The following GRIN2A variants were observed in gnomAD, a reference collection of about 807,000 sequenced individuals.
GRIN2A encodes the protein glutamate ionotropic receptor NMDA type subunit 2A.
A neutral mutation model predicts 113.4 loss-of-function variants in GRIN2A; 22 were observed. The ratio of observed to expected loss-of-function variants is 0.19; its 90% CI spans 0.14 to 0.28. GRIN2A has a LOEUF of 0.28. Ranked by LOEUF, GRIN2A falls within the 10% of genes least tolerant of loss-of-function variation. The pLI, the probability that GRIN2A is intolerant of heterozygous loss-of-function variation, is 1.00. For missense variants in GRIN2A, 1,502 were observed against 1,887.0 expected (o/e 0.80, Z 3.78); for synonymous variants, 827 against 738.4 (o/e 1.12, Z -1.94).
intron 3 of GRIN2A, among the ~76,000 whole-genome samples, chr16:9,914,672 C>T (rs994153851): frequency 6.6e-6 from 1 of 152,084 alleles, no homozygotes; most frequent in African/African-American, 2.4e-5. Flanking sequence ...GTAAGGGGCT[C>T]CCAGACCCAA....
At chr16:9,879,430 C>G (rs959542367) in intron 4 of GRIN2A, among the ~76,000 whole-genome samples, 9 of 152,154 alleles carry the variant, frequency 5.9e-5, no homozygotes, top group African/African-American at 2.2e-4. Context: ...TTTAATCTAT[C>G]TAATTCCCCT....
At chr16:9,885,015 G>A (rs2043561082) in intron 4 of GRIN2A, among the ~76,000 whole-genome samples, 1 of 151,986 alleles carries the variant, frequency 6.6e-6, no homozygotes, top group Non-Finnish European at 1.5e-5. Context: ...GGGATTACAG[G>A]TGTGAGCCAC....
intron 4 of GRIN2A, among the ~76,000 whole-genome samples, chr16:9,883,480 C>T (rs1402303218): frequency 6.6e-6 from 1 of 152,164 alleles, no homozygotes; most frequent in Non-Finnish European, 1.5e-5. Flanking sequence ...AAGGGCAGAC[C>T]CACTTTGAGC....
chr16:10,081,118 A>G lies in GRIN2A; in HGVS notation c.414+98880T>C, dbSNP rs80152807. 4.6e-3 allele frequency among the ~76,000 whole-genome samples: 695 copies of G among 152,290 alleles called. 3 individuals carry two copies. The highest frequency in any genetic ancestry group is 0.016 in the African/African-American group (661 of 41,554). ...CAGGTCAAATGTCGTTAATATAAAT[A>G]TCTACCATGGGGCAATTTCCGAGGC... On this transcript the variant is annotated intron_variant, in intron 2 of 12. Transcript: ENST00000330684.
At chr16:9,881,637 G>C (rs917397715) in intron 4 of GRIN2A, among the ~76,000 whole-genome samples, 2 of 152,152 alleles carry the variant, frequency 1.3e-5, no homozygotes, top group Non-Finnish European at 2.9e-5. Flanking sequence ...ATGGGGAAAA[G>C]AGTCTTTCCA....
At chr16:10,039,839 T>TCCTG (rs1227345993) in intron 2 of GRIN2A, among the ~76,000 whole-genome samples, 3 of 71,792 alleles carry the variant, frequency 4.2e-5, no homozygotes, top group African/African-American at 2.2e-4. Context: ...GAGAGAGGAG[T>TCCTG]CCTGGTCCAC....
intron 2 of GRIN2A, among the ~76,000 whole-genome samples, chr16:10,010,110 G>T (rs997380185): frequency 4.6e-5 from 7 of 152,230 alleles, no homozygotes; most frequent in African/African-American, 1.4e-4. Context: ...CTAGTACTGT[G>T]CCCTCAGGCA....
chr16:9,776,498 C>T (rs1481200364), intron 11 of GRIN2A, among the ~76,000 whole-genome samples: 1 of 151,988 alleles, frequency 6.6e-6, no homozygotes, highest in Non-Finnish European at 1.5e-5. Context: ...GAGGATCGGT[C>T]AGAGCCCAAG....
At chr16:9,828,965 T>C (rs2141310749) in intron 9 of GRIN2A, among the ~76,000 whole-genome samples, 1 of 152,268 alleles carries the variant, frequency 6.6e-6, no homozygotes, top group Middle Eastern at 3.4e-3. Context: ...TGTCAGATAA[T>C]TTTGTCTCTG....
chr16:9,980,759 G>A (rs1450155345), intron 2 of GRIN2A, among the ~76,000 whole-genome samples: 1 of 146,126 alleles, frequency 6.8e-6, no homozygotes, highest in African/African-American at 2.5e-5. Flanking sequence ...AACACCACAT[G>A]TTCTCACTCA....
chr16:9,824,238 G>A (rs918370351), intron 9 of GRIN2A, among the ~76,000 whole-genome samples: 7 of 152,202 alleles, frequency 4.6e-5, no homozygotes, highest in Non-Finnish European at 1.0e-4. Flanking sequence ...GTCCACGTGT[G>A]CATGTGTGTG....
At chr16:10,071,176 T>C (rs546629858) in intron 2 of GRIN2A, among the ~76,000 whole-genome samples, 1 of 152,352 alleles carries the variant, frequency 6.6e-6, no homozygotes, top group Admixed American at 6.5e-5. Context: ...TGAATACTGT[T>C]GCATGGAAAT....
Position 9,857,715 on chromosome 16 carries a change from T to TG in GRIN2A, c.1123-7755_1123-7754insC, listed in dbSNP as rs553775874. 5.7e-3 allele frequency among the ~76,000 whole-genome samples: 869 copies of TG among 152,352 alleles called. 7 individuals are homozygous for TG. Among genetic ancestry groups the TG allele is most frequent in the African/African-American group, 0.019 (786 of 41,594 alleles). On this transcript the variant is annotated intron_variant, in intron 4 of 12. Coordinates refer to ENST00000330684, the MANE Select transcript of GRIN2A (RefSeq NM_001134407.3). Reference sequence around the variant, plus strand: ...TTGCTGAGAGGACTAAATTAATGTATTAAAGCCCATAAAGGAATGCCCAAT... The same window carrying TG: ...TTGCTGAGAGGACTAAATTAATGTATGTAAAGCCCATAAAGGAATGCCCAAT...
At chr16:10,075,226 G>C (rs1490544505) in intron 2 of GRIN2A, among the ~76,000 whole-genome samples, 1 of 151,988 alleles carries the variant, frequency 6.6e-6, no homozygotes, top group Non-Finnish European at 1.5e-5. Context: ...ATCACTTAAA[G>C]GTCCTCCTCC....
At chr16:10,126,540 G>A (rs1028321088) in intron 2 of GRIN2A, among the ~76,000 whole-genome samples, 1 of 152,134 alleles carries the variant, frequency 6.6e-6, no homozygotes, top group Non-Finnish European at 1.5e-5. Flanking sequence ...ATTAGCCATT[G>A]AGTTTTTATT....
chr16:9,957,092 T>G (rs967738743), intron 2 of GRIN2A, among the ~76,000 whole-genome samples: 11 of 152,154 alleles, frequency 7.2e-5, no homozygotes, highest in African/African-American at 2.7e-4. Context: ...AGGTGTTAAT[T>G]CCCTTATTAG....
chr16:9,850,594 AAGAAG>A (rs1160281746), intron 4 of GRIN2A, among the ~76,000 whole-genome samples: 1 of 152,146 alleles, frequency 6.6e-6, no homozygotes, highest in Non-Finnish European at 1.5e-5. Context: ...AGAGAGTGAA[AAGAAG>A]AGGAGTGGGG....
intron 4 of GRIN2A, among the ~76,000 whole-genome samples, chr16:9,854,313 G>A (rs990896296): frequency 1.3e-5 from 2 of 151,820 alleles, no homozygotes; most frequent in South Asian, 2.1e-4. Context: ...GCCATTGAGG[G>A]TGGCCGTCTG....
intron 2 of GRIN2A, among the ~76,000 whole-genome samples, chr16:10,102,108 T>G (rs758546172): frequency 6.6e-6 from 1 of 152,210 alleles, no homozygotes; most frequent in Non-Finnish European, 1.5e-5. Flanking sequence ...TCACCAACTA[T>G]TTCAATAAGG....
Sources: gnomAD v4.1 joint callset for allele counts (sites outside exome capture counted in the v4.1 genomes callset) on GRCh38, gnomAD v4.1.1 for gene constraint, MANE v1.5 for transcripts, NCBI Gene and HGNC (gene_info 2026-07-23, HGNC 2026-07-21) for gene names.